Variants in RFX7 observed in about 807,000 individuals in gnomAD.
RFX7 encodes the protein DNA-binding protein RFX7.
RFX7 carries 26 observed loss-of-function variants against 111.8 expected under a neutral mutation model. That is an observed-to-expected ratio of 0.23 (90% confidence interval 0.17 to 0.32). The LOEUF (loss-of-function observed/expected upper bound fraction) is 0.32. Ranked by LOEUF, RFX7 falls within the 10% of genes least tolerant of loss-of-function variation. RFX7 has a pLI of 1.00. For synonymous variants in RFX7, 624 were observed against 624.4 expected, an observed-to-expected ratio of 1.00 and a Z score of 0.01; for missense variants, 1,573 against 1,772.9, an observed-to-expected ratio of 0.89 and a Z score of 2.02.
chr15:56,123,597 C>T (rs1378036415), intron 5 of RFX7, among the ~76,000 whole-genome samples: 1 of 152,164 alleles, frequency 6.6e-6, no homozygotes, highest in Non-Finnish European at 1.5e-5. Context: ...TGGTATGCCG[C>T]CCAAGTCCAC....
chr15:56,147,721 C>T (rs1296932420), intron 3 of RFX7, among the ~76,000 whole-genome samples: 2 of 152,122 alleles, frequency 1.3e-5, no homozygotes, highest in African/African-American at 4.8e-5. Flanking sequence ...CTACTGGCAC[C>T]CGCCACCAGG....
intron 3 of RFX7, among the ~76,000 whole-genome samples, chr15:56,166,836 C>T (rs2042788391): frequency 6.6e-6 from 1 of 152,132 alleles, no homozygotes; most frequent in African/African-American, 2.4e-5. Context: ...CTCCTGCAGT[C>T]TGGAACTCCT....
intron 3 of RFX7, among the ~76,000 whole-genome samples, chr15:56,159,858 T>G (rs1217978147): frequency 6.6e-6 from 1 of 152,216 alleles, no homozygotes; most frequent in African/African-American, 2.4e-5. Context: ...ATGTTTTCAT[T>G]ATTTATTGGC....
intron 5 of RFX7, among the ~76,000 whole-genome samples, chr15:56,132,905 G>A (rs753409444): frequency 6.6e-6 from 1 of 152,046 alleles, no homozygotes; most frequent in Non-Finnish European, 1.5e-5. Context: ...TCACTGCAGT[G>A]CTATTTGCAA....
chr15:56,156,055 A>C (rs12438525), intron 3 of RFX7, among the ~76,000 whole-genome samples: 10,124 of 152,090 alleles, frequency 0.067, 465 homozygotes, highest in Admixed American at 0.11. Flanking sequence ...GCAATATGCC[A>C]ATCTGTTCCT....
intron 2 of RFX7, among the ~76,000 whole-genome samples, chr15:56,214,470 C>G (rs374367463): frequency 3.3e-5 from 5 of 151,686 alleles, no homozygotes; most frequent in African/African-American, 1.2e-4. Context: ...AATCCCAGCA[C>G]TTTGGGAGGC....
At chr15:56,127,044 T>G (rs1022263085) in intron 5 of RFX7, among the ~76,000 whole-genome samples, 1 of 152,056 alleles carries the variant, frequency 6.6e-6, no homozygotes, top group Non-Finnish European at 1.5e-5. Flanking sequence ...CAGCCAACAA[T>G]AGCACAAAAA....
At chr15:56,226,656 G>A (rs1443109964) in intron 2 of RFX7, among the ~76,000 whole-genome samples, 1 of 152,180 alleles carries the variant, frequency 6.6e-6, no homozygotes, top group Non-Finnish European at 1.5e-5. Context: ...GATGGAATAA[G>A]AAAGTAATAC....
intron 2 of RFX7, among the ~76,000 whole-genome samples, chr15:56,184,929 A>G (rs1325434909): frequency 6.6e-6 from 1 of 152,196 alleles, no homozygotes; most frequent in Non-Finnish European, 1.5e-5. Flanking sequence ...AGGTTTATCT[A>G]TGTATCTTTT....
intron 2 of RFX7, among the ~76,000 whole-genome samples, chr15:56,211,177 C>T (rs753586216): frequency 2.6e-5 from 4 of 152,064 alleles, no homozygotes; most frequent in Admixed American, 6.6e-5. Context: ...GATGGGTTCA[C>T]TGGTAAGTTC....
intron 2 of RFX7, among the ~76,000 whole-genome samples, chr15:56,204,045 ACT>A (rs2043224746): frequency 8.5e-6 from 1 of 118,192 alleles, no homozygotes; most frequent in Non-Finnish European, 1.7e-5. Flanking sequence ...TTTGAGATGG[ACT>A]CTCACTCTGT....
In RFX7 at chr15:56,094,530, A is replaced by G; in HGVS notation, c.3198T>C (p.Asn1066=). 6.2e-7 allele frequency: 1 copy of G among 1,613,894 alleles called. No homozygotes were observed. Among genetic ancestry groups the G allele is most frequent in the Non-Finnish European group, 8.5e-7 (1 of 1,179,876 alleles). Residue 1066 remains asparagine (N), a synonymous_variant, in exon 10 of 10, where the codon AAT becomes AAC. Coordinates refer to ENST00000559447, the MANE Select transcript of RFX7 (RefSeq NM_022841.7). ...HPDKTKLEWM[N]NGYSGVGNSS... The stretch of plus-strand genomic sequence containing the variant: ...AATTACCAACCCCACTATACCCATT[A>G]TTCATCCATTCAAGCTTGGTTTTGT...
chr15:56,095,072 T>A lies in RFX7; in HGVS notation c.2656A>T (p.Ser886Cys). 1 of 1,613,928 alleles carries A rather than the reference T, an allele frequency of 6.2e-7. No homozygotes were observed. The change falls in exon 10 of 10, where the codon AGT (serine) becomes TGT (cysteine). Residue 886 changes from serine to cysteine, a missense_variant. Ser to Cys is a moderately radical substitution (Grantham distance 112). This residue lies in a region of RFX7 where 625 missense variants were observed against 632.2 expected (regional missense o/e 0.99). Coordinates refer to ENST00000559447, the MANE Select transcript of RFX7 (RefSeq NM_022841.7). Reference protein sequence around the residue: ...FPFDDELTQDSIVEELVLMEQ... With the variant: ...FPFDDELTQDCIVEELVLMEQ... ...ATAAGCACCAGCTCTTCCACAATAC[T>A]ATCTTGTGTAAGTTCATCATCAAAA... is the stretch of plus-strand genomic sequence containing the variant.
intron 2 of RFX7, among the ~76,000 whole-genome samples, chr15:56,196,662 C>T (rs534009816): frequency 3.3e-5 from 5 of 152,026 alleles, no homozygotes; most frequent in East Asian, 1.9e-4. Flanking sequence ...CCTTGATCTT[C>T]GACCTCAAGC....
chr15:56,132,894 T>C (rs1186325635), intron 5 of RFX7, among the ~76,000 whole-genome samples: 2 of 152,130 alleles, frequency 1.3e-5, no homozygotes, highest in Non-Finnish European at 2.9e-5. Flanking sequence ...GCCAAGGATG[T>C]TCACTGCAGT....
At chr15:56,222,900 T>G (rs928469430) in intron 2 of RFX7, among the ~76,000 whole-genome samples, 1 of 152,320 alleles carries the variant, frequency 6.6e-6, no homozygotes, top group South Asian at 2.1e-4. Context: ...TGTGGAACAT[T>G]TGGAATTCTT....
At chr15:56,102,462 A>C (rs1381450650) in intron 6 of RFX7, among the ~76,000 whole-genome samples, 2 of 152,228 alleles carry the variant, frequency 1.3e-5, no homozygotes, top group African/African-American at 4.8e-5. Context: ...AGAATGTTAA[A>C]TACTACTGTC....
chr15:56,142,532 A>C (rs2042414362), intron 5 of RFX7, among the ~76,000 whole-genome samples: 1 of 152,056 alleles, frequency 6.6e-6, no homozygotes, highest in Non-Finnish European at 1.5e-5. Flanking sequence ...CTGTCCTTGC[A>C]CTCTCTGACC....
chr15:56,142,255 A>G (rs1263082913), intron 5 of RFX7, among the ~76,000 whole-genome samples: 1 of 152,188 alleles, frequency 6.6e-6, no homozygotes, highest in Admixed American at 6.5e-5. Context: ...TAAATTGTAA[A>G]TACAACCAAA....
Sources: gnomAD v4.1 joint callset for allele counts (sites outside exome capture counted in the v4.1 genomes callset) on GRCh38, gnomAD v4.1.1 for gene constraint, gnomAD v4.1.1 regional missense constraint, MANE v1.5 for transcripts, NCBI Gene and HGNC (gene_info 2026-07-23, HGNC 2026-07-21) for gene names.